ACACB: variants seen among roughly 807,000 people sequenced by gnomAD.
ACACB encodes the protein acetyl-CoA carboxylase 2.
A neutral mutation model predicts 278.8 loss-of-function variants in ACACB; 209 were observed. The observed-to-expected ratio is 0.75, with a 90% CI of 0.67 to 0.84. The LOEUF (loss-of-function observed/expected upper bound fraction) is 0.84, where lower values mean the gene tolerates loss of function less well. Ranked by LOEUF, ACACB falls within the 40% of genes least tolerant of loss-of-function variation. The pLI is 0.00. For synonymous variants in ACACB, 1,174 were observed against 1,285.6 expected (o/e 0.91, Z 1.86); for missense variants, 2,850 against 3,269.0 (o/e 0.87, Z 3.13).
intron 2 of ACACB, among the ~76,000 whole-genome samples, chr12:109,147,417 G>A (rs1427513806): frequency 1.2e-5 from 1 of 82,334 alleles, no homozygotes; most frequent in Admixed American, 1.3e-4. Flanking sequence ...TTTTTTTTTA[G>A]TATTTTTAGT....
chr12:109,227,866 C>T (rs560406390), intron 28 of ACACB, among the ~76,000 whole-genome samples: 1 of 152,014 alleles, frequency 6.6e-6, no homozygotes, highest in Non-Finnish European at 1.5e-5. Context: ...AACCCCATCT[C>T]TACTAAAAAT....
At chr12:109,155,387 A>T (rs137890080) in intron 2 of ACACB, among the ~76,000 whole-genome samples, 1 of 152,292 alleles carries the variant, frequency 6.6e-6, no homozygotes, top group Non-Finnish European at 1.5e-5. Flanking sequence ...TCAGTGCCTG[A>T]GTGCTTTGTA....
intron 22 of ACACB, among the ~76,000 whole-genome samples, chr12:109,215,815 T>C (rs903341054): frequency 6.6e-6 from 1 of 152,116 alleles, no homozygotes; most frequent in African/African-American, 2.4e-5. Flanking sequence ...TTTTTATTTA[T>C]TTATTTTGAG....
intron 12 of ACACB, among the ~76,000 whole-genome samples, chr12:109,186,131 A>T (rs1355982156): frequency 6.6e-6 from 1 of 151,748 alleles, no homozygotes; most frequent in African/African-American, 2.4e-5. Context: ...GGGTTTCACC[A>T]TATTGGCCAG....
chr12:109,171,070 T>G (rs2136182462), intron 4 of ACACB, among the ~76,000 whole-genome samples: 2 of 143,714 alleles, frequency 1.4e-5, no homozygotes, highest in African/African-American at 2.6e-5. Context: ...CCCAAACTGG[T>G]CTTGAATTCT....
In ACACB at chr12:109,124,896, G is replaced by T. The variant is rs2042640114; in HGVS notation, c.-10+8192G>T. ...TGCCTGGCTAATTTTATGTATTTTT[G>T]ATAGAGATGAGGTTTCACTACATTG... On this transcript the variant is annotated intron_variant, in intron 1 of 52. Transcript: ENST00000338432. Among the ~76,000 whole-genome samples the T allele has an allele frequency of 1.3e-5, 2 of 152,034 alleles. 1 individual carries two copies. Among genetic ancestry groups the T allele is most frequent in the South Asian group, 4.2e-4 (2 of 4,816 alleles).
At chr12:109,134,530 G>A (rs1364194907) in intron 1 of ACACB, among the ~76,000 whole-genome samples, 2 of 152,152 alleles carry the variant, frequency 1.3e-5, no homozygotes, top group East Asian at 3.8e-4. Flanking sequence ...TTTCCTGAGG[G>A]CATGTGTGAG....
intron 36 of ACACB, chr12:109,241,679 C>G: frequency 4.2e-6 from 1 of 239,818 alleles, no homozygotes. Flanking sequence ...TTGTGCACTA[C>G]TGTGGTTGAC....
Position 109,242,450 on chromosome 12 carries a change from C to T in ACACB, c.5036C>T (p.Ser1679Phe), listed in dbSNP as rs1283832745. The change falls in exon 37 of 53, where the codon TCC (serine) becomes TTC (phenylalanine). Residue 1679 changes from serine (S) to phenylalanine (F), a missense_variant. Physicochemically the swap from Ser to Phe is radical, Grantham distance 155. Around this residue, in one of 3 missense-constraint regions of ACACB, gnomAD observed 2,265 missense variants for 2,561.3 expected, o/e 0.88. Coordinates refer to ENST00000338432, the MANE Select transcript of ACACB (RefSeq NM_001093.4). ...TTTCTGGTCCAGATCATGTTTCACT[C>T]CTTCGGCAACAAGCAAGGGCCCCAG... is the stretch of plus-strand genomic sequence containing the variant. The part of the protein sequence containing the change: ...DSRSGNIMFH[S>F]FGNKQGPQHG... 1 of 1,613,864 alleles carries T rather than the reference C, an allele frequency of 6.2e-7. No homozygotes were observed. The highest frequency in any genetic ancestry group is 1.3e-5 in the African/African-American group (1 of 75,056).
intron 44 of ACACB, 56 bp from the exon 45 acceptor site, chr12:109,256,084 T>G: frequency 6.7e-7 from 1 of 1,495,554 alleles, no homozygotes; most frequent in Non-Finnish European, 9.3e-7. Context: ...AGGAGTGTCC[T>G]GGGGGCCCCC....
At chr12:109,171,300 C>T (rs540445467) in intron 4 of ACACB, among the ~76,000 whole-genome samples, 2 of 152,130 alleles carry the variant, frequency 1.3e-5, no homozygotes, top group South Asian at 4.1e-4. Context: ...TGTCCAGAAA[C>T]ATATCTGTAT....
chr12:109,169,228 G>T (rs2044025921), intron 4 of ACACB, among the ~76,000 whole-genome samples: 1 of 151,360 alleles, frequency 6.6e-6, no homozygotes. Flanking sequence ...ATGCATCAGA[G>T]GCTGTGTGCT....
intron 28 of ACACB, among the ~76,000 whole-genome samples, chr12:109,227,692 C>T (rs2046352887): frequency 6.6e-6 from 1 of 152,250 alleles, no homozygotes; most frequent in African/African-American, 2.4e-5. Flanking sequence ...ACCTCCTACA[C>T]CTGCACTGTT....
intron 19 of ACACB, among the ~76,000 whole-genome samples, chr12:109,205,454 CTT>C (rs112616443): frequency 2.8e-5 from 4 of 143,024 alleles, no homozygotes; most frequent in Non-Finnish European, 3.1e-5. Context: ...CTCAAGTCAG[CTT>C]TTTTTTTTTT....
intron 24 of ACACB, among the ~76,000 whole-genome samples, chr12:109,220,359 AATG>A (rs2046123986): frequency 6.6e-6 from 1 of 152,186 alleles, no homozygotes; most frequent in Admixed American, 6.5e-5. Flanking sequence ...TTGTGAATTG[AATG>A]ATTATTTCGA....
intron 2 of ACACB, among the ~76,000 whole-genome samples, chr12:109,166,103 C>G (rs2043887075): frequency 6.6e-6 from 1 of 151,978 alleles, no homozygotes; most frequent in African/African-American, 2.4e-5. Context: ...AAAGTGAGAC[C>G]CCTGTCTCTA....
chr12:109,127,427 AAAAAAACCC>A (rs1247119792), intron 1 of ACACB, among the ~76,000 whole-genome samples: 1 of 151,208 alleles, frequency 6.6e-6, no homozygotes, highest in Non-Finnish European at 1.5e-5. Flanking sequence ...TACAGAAAAA[AAAAAAACCC>A]AAAAAACCAA....
At chr12:109,111,761 G>A (rs2042298139), upstream of ACACB, among the ~76,000 whole-genome samples, 1 of 152,024 alleles carries the variant, frequency 6.6e-6, no homozygotes, top group African/African-American at 2.4e-5. Context: ...AACTAAATGG[G>A]CAAGAAAGAA....
intron 37 of ACACB, among the ~76,000 whole-genome samples, chr12:109,244,952 C>A (rs1327788229): frequency 1.3e-5 from 2 of 152,062 alleles, no homozygotes; most frequent in East Asian, 3.9e-4. Flanking sequence ...GTAATCCCAG[C>A]ACTTTGGGAG....
Sources: gnomAD v4.1 joint callset for allele counts (sites outside exome capture counted in the v4.1 genomes callset) on GRCh38, gnomAD v4.1.1 for gene constraint, gnomAD v4.1.1 regional missense constraint, MANE v1.5 for transcripts, NCBI Gene and HGNC (gene_info 2026-07-23, HGNC 2026-07-21) for gene names.